CABYR: variants seen among roughly 807,000 people sequenced by gnomAD.
CABYR encodes the protein calcium-binding tyrosine phosphorylation-regulated protein.
CABYR carries 31 observed loss-of-function variants against 36.1 expected under a neutral mutation model. The observed-to-expected ratio is 0.86, with a 90% CI of 0.64 to 1.16. The LOEUF (loss-of-function observed/expected upper bound fraction) is 1.16, where lower values mean the gene tolerates loss of function less well. Among genes scored for constraint, CABYR ranks in the 50% most tolerant of loss-of-function variants. The probability of loss-of-function intolerance (pLI) is 0.00; values close to 1 mark genes in which losing one functional copy is unlikely to be tolerated. For missense variants in CABYR, 429 were observed against 455.8 expected (o/e 0.94, Z 0.53); for synonymous variants, 146 against 160.7 (o/e 0.91, Z 0.69).
At chr18:24,147,807 C>G in intron 3 of CABYR, among the ~76,000 whole-genome samples, 1 of 152,134 alleles carries the variant, frequency 6.6e-6, no homozygotes, top group East Asian at 1.9e-4. Flanking sequence ...TGTCATGTTT[C>G]TTTACGACTT....
At chr18:24,149,617 G>T (rs920147998) in intron 3 of CABYR, among the ~76,000 whole-genome samples, 1 of 152,214 alleles carries the variant, frequency 6.6e-6, no homozygotes, top group African/African-American at 2.4e-5. Context: ...GGTGCTCATC[G>T]GGGAGGCTCG....
chr18:24,145,488 CAG>C (rs1407533239), intron 3 of CABYR, among the ~76,000 whole-genome samples: 1 of 152,080 alleles, frequency 6.6e-6, no homozygotes, highest in East Asian at 1.9e-4. Flanking sequence ...GGAGAGGTGA[CAG>C]AGGAGCAGAA....
intron 3 of CABYR, among the ~76,000 whole-genome samples, chr18:24,147,310 A>C (rs1285711076): frequency 6.6e-6 from 1 of 151,770 alleles, no homozygotes; most frequent in African/African-American, 2.4e-5. Flanking sequence ...GAACTTCCTA[A>C]ATCTAGGAAT....
intron 3 of CABYR, among the ~76,000 whole-genome samples, chr18:24,147,167 C>T (rs2085479588): frequency 6.7e-6 from 1 of 148,182 alleles, no homozygotes; most frequent in Non-Finnish European, 1.5e-5. Flanking sequence ...TGGTGGCACA[C>T]ACCTGTAGTC....
intron 3 of CABYR, among the ~76,000 whole-genome samples, chr18:24,153,263 G>A (rs1367803228): frequency 2.6e-5 from 4 of 151,912 alleles, no homozygotes; most frequent in Non-Finnish European, 5.9e-5. Flanking sequence ...GGGCTTTCTC[G>A]GTGTTCCTGC....
intron 3 of CABYR, among the ~76,000 whole-genome samples, chr18:24,147,190 G>A (rs1321385441): frequency 6.8e-6 from 1 of 146,150 alleles, no homozygotes; most frequent in African/African-American, 2.5e-5. Flanking sequence ...GGATATTCAG[G>A]AGGCTGAAGC....
chr18:24,147,341 ACAGATGATCC>A, intron 3 of CABYR, among the ~76,000 whole-genome samples: 1 of 151,766 alleles, frequency 6.6e-6, no homozygotes, highest in East Asian at 1.9e-4. Flanking sequence ...ACAAAAACTT[ACAGATGATCC>A]AATTGACCCA....
At chr18:24,153,345 T>C (rs2083943) in intron 3 of CABYR, among the ~76,000 whole-genome samples, 148,836 of 152,190 alleles carry the variant, frequency 0.98, 72,863 homozygotes, top group East Asian at 1. Flanking sequence ...CCTGTCTCTG[T>C]CTTGATAATA....
chr18:24,151,287 A>T (rs550315125), intron 3 of CABYR, among the ~76,000 whole-genome samples: 2 of 152,346 alleles, frequency 1.3e-5, no homozygotes, highest in South Asian at 4.1e-4. Context: ...TATTATACTT[A>T]AAAAGGAACT....
intron 1 of CABYR, 74 bp from the exon 2 acceptor site, chr18:24,143,017 A>C: frequency 1.9e-6 from 2 of 1,042,658 alleles, no homozygotes; most frequent in South Asian, 3.5e-5. Flanking sequence ...TGGGTGACAG[A>C]GTCTCAAAAA....
chr18:24,156,555 A>G, intron 4 of CABYR: 1 of 1,614,110 alleles, frequency 6.2e-7, no homozygotes, highest in Non-Finnish European at 8.5e-7. Context: ...AGAAAAGACC[A>G]CCTCTGGCAT....
chr18:24,143,330 G>A lies in CABYR; in HGVS notation c.146-30G>A, dbSNP rs1051076089. On this transcript the variant is annotated intron_variant, in intron 2 of 5. Transcript: ENST00000399496. ...TTTAAGTTAGGAATTTCATGTATCT[G>A]TATTTGATTTCCTGTATTGATTCCT... 27 of 1,593,898 alleles carry A rather than the reference G, an allele frequency of 1.7e-5. No individual in the cohort carries two copies. In the African/African-American group the frequency reaches 2.3e-4, roughly 14 times the overall value.
rs150516148 is a variant in CABYR at position 24,143,204 on chromosome 18, A to G, written c.90A>G (p.Pro30=). Residue 30 remains proline, a synonymous_variant, in exon 2 of 6, where the codon CCA becomes CCG. Coordinates refer to ENST00000399496, the MANE Select transcript of CABYR (RefSeq NM_153769.3). ...GCAGAGCTGTTCTCAAAACCAACCC[A>G]TCAAACATCAACCAGTTTGCAGCAG... ...GISRAVLKTN[P]SNINQFAAAY... 2.9e-4 allele frequency: 474 copies of G among 1,614,100 alleles called. 2 individuals are homozygous for G. The African/African-American group carries it at 4.7e-3, about 16-fold the overall frequency.
At position 24,146,711 on chromosome 18, in the gene CABYR, A is replaced by C. The variant is rs138412429; in HGVS notation, c.199+3298A>C. ...TACAAAGAAAATGACACACAGGTAC[A>C]TCACAGCTAAACTGCTGAAAAAGAC... On this transcript the variant is annotated intron_variant, in intron 3 of 5. Coordinates refer to ENST00000399496, the MANE Select transcript of CABYR (RefSeq NM_153769.3). Among the ~76,000 whole-genome samples the C allele has an allele frequency of 3.5e-3, 534 of 152,312 alleles. 3 individuals carry two copies. Among genetic ancestry groups the C allele is most frequent in the Non-Finnish European group, 6.2e-3 (421 of 68,020 alleles).
chr18:24,159,481 C>A lies in CABYR; in HGVS notation c.551C>A (p.Thr184Lys). The change falls in exon 5 of 6, where the codon ACA becomes AAA. Residue 184 changes from threonine (T) to lysine (K), a missense_variant. By Grantham distance (78) the Thr-to-Lys change is moderately conservative. Coordinates refer to ENST00000399496, the MANE Select transcript of CABYR (RefSeq NM_153769.3). ...AAATTTTTTTTTATAGCAATGGCAA[C>A]AAGTGAACGAGGACAACCACCACCA... ...QLAAQMLAMATSERGQPPPCS... is the reference protein window; with the variant it reads ...QLAAQMLAMAKSERGQPPPCS... 6.8e-6 allele frequency: 11 copies of A among 1,611,238 alleles called. No homozygotes were observed. Among genetic ancestry groups the A allele is most frequent in the Non-Finnish European group, 9.3e-6 (11 of 1,178,606 alleles).
rs2085906029 is a variant in CABYR, at chr18:24,159,923, C to T, written c.993C>T (p.Phe331=). The T allele has an allele frequency of 1.9e-6, 3 of 1,614,128 alleles. No homozygotes were observed. In the East Asian group the frequency reaches 6.7e-5, roughly 36 times the overall value. ...TCCCCAGGCCAAAAAGCCCTGTTTT[C>T]CTTTCTGTTGCTTTCCCAGTAGAAG... ...QDVPRPKSPV[F]LSVAFPVEDV... Residue 331 remains phenylalanine, a synonymous_variant, in exon 5 of 6, where the codon TTC becomes TTT. Transcript: ENST00000399496.
chr18:24,142,055 T>C (rs1029810462), intron 1 of CABYR, among the ~76,000 whole-genome samples: 4 of 152,230 alleles, frequency 2.6e-5, no homozygotes, highest in Non-Finnish European at 5.9e-5. Flanking sequence ...TCGGGCACGG[T>C]GGCTCATGCC....
At chr18:24,158,480 G>A (rs577065372) in intron 4 of CABYR, among the ~76,000 whole-genome samples, 90 of 151,916 alleles carry the variant, frequency 5.9e-4, no homozygotes, top group Non-Finnish European at 1.2e-3. Flanking sequence ...CACCATGCCC[G>A]GCTAATTTTG....
chr18:24,153,289 A>G (rs990256994), intron 3 of CABYR, among the ~76,000 whole-genome samples: 1 of 151,192 alleles, frequency 6.6e-6, no homozygotes, highest in African/African-American at 2.4e-5. Flanking sequence ...GTCATGTGGT[A>G]GCCAAACTCT....
Sources: allele counts gnomAD v4.1 joint callset (sites outside exome capture counted in the v4.1 genomes callset), GRCh38; gene constraint gnomAD v4.1.1; transcripts MANE v1.5; gene names NCBI Gene and HGNC (gene_info 2026-07-23, HGNC 2026-07-21).